SPATA16: variants seen among roughly 807,000 people sequenced by gnomAD.
SPATA16 encodes the protein spermatogenesis-associated protein 16.
Under a neutral mutation model 63.3 loss-of-function variants are expected in SPATA16, and 36 were observed. That is an observed-to-expected ratio of 0.57 (90% CI 0.44 to 0.75). The LOEUF (loss-of-function observed/expected upper bound fraction) is 0.75. SPATA16 is among the 30% of genes least tolerant of loss of function. The probability of loss-of-function intolerance (pLI) is 0.00; values close to 1 mark genes in which losing one functional copy is unlikely to be tolerated. For missense variants in SPATA16, 646 were observed against 679.3 expected (o/e 0.95, Z 0.54); for synonymous variants, 203 against 216.7 (o/e 0.94, Z 0.56).
At chr3:172,993,508 C>T (rs1013957648) in intron 4 of SPATA16, among the ~76,000 whole-genome samples, 13 of 151,934 alleles carry the variant, frequency 8.6e-5, no homozygotes, top group Non-Finnish European at 1.2e-4. Context: ...CTGTGAAAGA[C>T]GGAATGATGA....
intron 6 of SPATA16, among the ~76,000 whole-genome samples, chr3:172,951,881 T>C (rs1733442071): frequency 6.6e-6 from 1 of 152,236 alleles, no homozygotes; most frequent in Non-Finnish European, 1.5e-5. Context: ...AGCAAAACTT[T>C]GATAGGTAGA....
chr3:172,916,464 G>A lies in SPATA16; in HGVS notation c.1356C>T (p.Ser452=). 6.2e-7 allele frequency: 1 copy of A among 1,613,670 alleles called. No individual in the cohort carries two copies. The highest frequency in any genetic ancestry group is 8.5e-7 in the Non-Finnish European group (1 of 1,179,712). The change falls in exon 9 of 11, where the codon TCC becomes TCT. Residue 452 remains serine, a synonymous_variant. Transcript: ENST00000351008. Reference sequence around the variant, plus strand: ...ATTGCAACTTCTCCATCACACCTGAGGATGCAGGAAAACTCCCCTAGTCTC... The same window carrying A: ...ATTGCAACTTCTCCATCACACCTGAAGATGCAGGAAAACTCCCCTAGTCTC... ...STQLNGSFPA[S]SGVMEKLQYA... is the part of the protein sequence containing the mutation.
chr3:173,069,400 T>G (rs1005847383), intron 2 of SPATA16, among the ~76,000 whole-genome samples: 9 of 152,064 alleles, frequency 5.9e-5, no homozygotes, highest in Non-Finnish European at 1.2e-4. Flanking sequence ...CAGATAAATT[T>G]CTAGACACAT....
intron 6 of SPATA16, among the ~76,000 whole-genome samples, chr3:172,934,262 T>TGTA: frequency 6.6e-6 from 1 of 152,214 alleles, no homozygotes; most frequent in South Asian, 2.1e-4. Context: ...GGTAACCTAT[T>TGTA]CACTTGTTTA....
chr3:173,083,262 A>T (rs1234905666), intron 2 of SPATA16, among the ~76,000 whole-genome samples: 1 of 152,150 alleles, frequency 6.6e-6, no homozygotes, highest in Admixed American at 6.5e-5. Flanking sequence ...GATACTTAGG[A>T]AGAAATTAAT....
At chr3:172,914,190 G>T (rs1288222913) in intron 9 of SPATA16, among the ~76,000 whole-genome samples, 6 of 152,088 alleles carry the variant, frequency 3.9e-5, no homozygotes, top group Non-Finnish European at 7.4e-5. Context: ...GCCTCTTAAA[G>T]AATCTAGCTC....
intron 2 of SPATA16, among the ~76,000 whole-genome samples, chr3:173,051,915 G>A (rs2108295630): frequency 6.6e-6 from 1 of 151,822 alleles, no homozygotes; most frequent in South Asian, 2.1e-4. Flanking sequence ...AAGTTCAAGC[G>A]ATTCTCCTGC....
chr3:173,094,083 T>C (rs1271197134), intron 2 of SPATA16, among the ~76,000 whole-genome samples: 1 of 151,968 alleles, frequency 6.6e-6, no homozygotes. Context: ...ATTTCAGTTA[T>C]GTTTTCTTTG....
intron 6 of SPATA16, among the ~76,000 whole-genome samples, chr3:172,942,155 C>G (rs999635631): frequency 6.6e-5 from 10 of 152,062 alleles, no homozygotes; most frequent in Non-Finnish European, 1.3e-4. Context: ...CTATTTAAGC[C>G]TATGGTGAAC....
At chr3:173,114,420 C>T (rs1737837969) in intron 2 of SPATA16, among the ~76,000 whole-genome samples, 1 of 152,156 alleles carries the variant, frequency 6.6e-6, no homozygotes, top group South Asian at 2.1e-4. Flanking sequence ...CTCGTGGAGA[C>T]ACTGTGTGCC....
intron 2 of SPATA16, among the ~76,000 whole-genome samples, chr3:173,062,696 A>C (rs1345505154): frequency 6.6e-6 from 1 of 152,184 alleles, no homozygotes; most frequent in Non-Finnish European, 1.5e-5. Context: ...CATGAATGTT[A>C]GTCACAATTA....
At chr3:172,939,419 T>A (rs1484167778) in intron 6 of SPATA16, among the ~76,000 whole-genome samples, 1 of 152,118 alleles carries the variant, frequency 6.6e-6, no homozygotes, top group East Asian at 1.9e-4. Context: ...TTTGGGGCAA[T>A]AGACAGGCAG....
chr3:173,134,207 A>G (rs1738466886), intron 1 of SPATA16, among the ~76,000 whole-genome samples: 1 of 152,218 alleles, frequency 6.6e-6, no homozygotes, highest in African/African-American at 2.4e-5. Context: ...TGACCCTGGC[A>G]CACAATGGGG....
chr3:173,048,023 T>C (rs770704019), intron 3 of SPATA16, among the ~76,000 whole-genome samples: 16 of 152,138 alleles, frequency 1.1e-4, no homozygotes, highest in South Asian at 2.1e-4. Flanking sequence ...TTTACCATAC[T>C]AATAAATCTC....
chr3:172,969,258 C>A (rs1733992253), intron 5 of SPATA16, among the ~76,000 whole-genome samples: 1 of 152,134 alleles, frequency 6.6e-6, no homozygotes, highest in Non-Finnish European at 1.5e-5. Context: ...GCCTAATCTA[C>A]TGGGAGGTAA....
At chr3:172,945,583 G>A (rs974318428) in intron 6 of SPATA16, among the ~76,000 whole-genome samples, 1 of 152,154 alleles carries the variant, frequency 6.6e-6, no homozygotes, top group Non-Finnish European at 1.5e-5. Flanking sequence ...GTGGTGGAGG[G>A]AGAATACAGT....
chr3:173,088,046 CTTTCTT>C (rs1737114169), intron 2 of SPATA16, among the ~76,000 whole-genome samples: 1 of 134,844 alleles, frequency 7.4e-6, no homozygotes. Context: ...TTCTTTCTTT[CTTTCTT>C]TCTTTCTTTC....
chr3:172,938,747 A>T (rs1733071580), intron 6 of SPATA16, among the ~76,000 whole-genome samples: 1 of 152,138 alleles, frequency 6.6e-6, no homozygotes, highest in African/African-American at 2.4e-5. Flanking sequence ...AGTTAGAATC[A>T]CAGAAAGTTT....
intron 2 of SPATA16, among the ~76,000 whole-genome samples, chr3:173,093,028 T>C (rs1342767220): frequency 6.9e-6 from 1 of 145,158 alleles, no homozygotes; most frequent in African/African-American, 2.6e-5. Flanking sequence ...ATTGTAATTT[T>C]TATGCACCTA....
Sources: gnomAD v4.1 joint callset for allele counts (sites outside exome capture counted in the v4.1 genomes callset) on GRCh38, gnomAD v4.1.1 for gene constraint, MANE v1.5 for transcripts, NCBI Gene and HGNC (gene_info 2026-07-23, HGNC 2026-07-21) for gene names.